RBM33: variants seen among roughly 807,000 people sequenced by gnomAD.
RBM33 encodes RNA-binding protein 33.
In RBM33, 28 loss-of-function variants were observed where a neutral mutation model predicts 132.6. The ratio of observed to expected loss-of-function variants is 0.21; its 90% CI spans 0.16 to 0.29. The LOEUF is 0.29. Ranked by LOEUF, RBM33 falls within the 10% of genes least tolerant of loss-of-function variation. The pLI, the probability that RBM33 is intolerant of heterozygous loss-of-function variation, is 1.00. For synonymous variants in RBM33, 634 were observed against 593.0 expected (o/e 1.07, Z -1.01); for missense variants, 1,291 against 1,518.5 (o/e 0.85, Z 2.49).
chr7:155,673,940 G>GTTTTTTTTTTTTTTTTTTTTTTTT (rs71186053), intron 3 of RBM33, among the ~76,000 whole-genome samples: 12 of 54,188 alleles, frequency 2.2e-4, no homozygotes, highest in Non-Finnish European at 3.9e-4. Flanking sequence ...TTTAGGCTTA[G>GTTTTTTTTTTTTTTTTTTTTTTTT]TTTTTTTTTT....
chr7:155,668,775 A>G (rs946623065), intron 2 of RBM33, among the ~76,000 whole-genome samples: 6 of 152,226 alleles, frequency 3.9e-5, no homozygotes, highest in African/African-American at 1.4e-4. Flanking sequence ...TTTTTGAATC[A>G]TTTTGAAATC....
chr7:155,662,625 G>T lies in RBM33; in HGVS notation c.44-2550G>T, dbSNP rs188804294. 1.4e-3 allele frequency among the ~76,000 whole-genome samples: 218 copies of T among 152,202 alleles called. 4 individuals are homozygous for T. The highest frequency in any genetic ancestry group is 4.1e-3 in the Admixed American group (62 of 15,276). On this transcript the variant is annotated intron_variant, in intron 1 of 17. Transcript: ENST00000401878. Reference sequence around the variant, plus strand: ...AGGAGCTGAGTGCCTGGGAACTGGGGGAAAGCAGCAGCCCCAGGTCTCCTC... The same window carrying T: ...AGGAGCTGAGTGCCTGGGAACTGGGTGAAAGCAGCAGCCCCAGGTCTCCTC...
At chr7:155,709,677 G>C (rs1800221772) in intron 7 of RBM33, among the ~76,000 whole-genome samples, 1 of 152,094 alleles carries the variant, frequency 6.6e-6, no homozygotes, top group South Asian at 2.1e-4. Flanking sequence ...ATTTAACTTG[G>C]GTGTCCCTGT....
chr7:155,660,027 T>C (rs928789809), intron 1 of RBM33, among the ~76,000 whole-genome samples: 1 of 152,214 alleles, frequency 6.6e-6, no homozygotes, highest in Non-Finnish European at 1.5e-5. Flanking sequence ...GTGCCCTCTT[T>C]AATATCCAGT....
intron 14 of RBM33, among the ~76,000 whole-genome samples, chr7:155,756,417 A>G (rs1240248954): frequency 6.6e-6 from 1 of 152,198 alleles, no homozygotes; most frequent in Non-Finnish European, 1.5e-5. Flanking sequence ...CTCAGATGTA[A>G]TCAGTTGAAG....
At chr7:155,668,584 C>T (rs1798862529) in intron 2 of RBM33, among the ~76,000 whole-genome samples, 1 of 152,272 alleles carries the variant, frequency 6.6e-6, no homozygotes, top group South Asian at 2.1e-4. Flanking sequence ...GGTGATACCT[C>T]TGCTTTTCCT....
At position 155,706,985 on chromosome 7, in the gene RBM33, G is replaced by A. The variant is rs1800134787; in HGVS notation, c.865G>A (p.Gly289Arg). 1 of 1,593,470 alleles carries A rather than the reference G, an allele frequency of 6.3e-7. No homozygotes were observed. Among genetic ancestry groups the A allele is most frequent in the African/African-American group, 1.3e-5 (1 of 74,556 alleles). The change falls in exon 7 of 18, where the codon GGG (glycine) becomes AGG (arginine). Residue 289 changes from glycine (G) to arginine (R), a missense_variant. Transcript: ENST00000401878. The part of the protein sequence containing the change: ...RGGPLMCRGV[G>R]DQRRESTERG... ...AGGTCCGCTGATGTGTCGTGGTGTGGGGGACCAGAGGAGAGAGAGCACCGA... is the reference window on the plus strand; with the variant it reads ...AGGTCCGCTGATGTGTCGTGGTGTGAGGGACCAGAGGAGAGAGAGCACCGA...
intron 2 of RBM33, among the ~76,000 whole-genome samples, chr7:155,666,341 T>G (rs900855012): frequency 6.6e-6 from 1 of 152,188 alleles, no homozygotes; most frequent in African/African-American, 2.4e-5. Flanking sequence ...TTTGCCCAAC[T>G]CCAACTTTTT....
At chr7:155,744,383 C>T (rs1482350734) in intron 13 of RBM33, among the ~76,000 whole-genome samples, 1 of 152,134 alleles carries the variant, frequency 6.6e-6, no homozygotes, top group Non-Finnish European at 1.5e-5. Flanking sequence ...TCCTTATATA[C>T]CATTAATATT....
intron 1 of RBM33, among the ~76,000 whole-genome samples, chr7:155,646,128 CTT>C (rs368581080): frequency 5.5e-4 from 83 of 152,224 alleles, no homozygotes; most frequent in African/African-American, 1.8e-3. Context: ...GGTGAACACT[CTT>C]TTCATTAGAA....
intron 5 of RBM33, among the ~76,000 whole-genome samples, chr7:155,700,400 T>G (rs1696894263): frequency 6.6e-6 from 1 of 152,202 alleles, no homozygotes; most frequent in Non-Finnish European, 1.5e-5. Flanking sequence ...AGTGTTAGTT[T>G]AATTAATACA....
chr7:155,707,141 G>T, intron 7 of RBM33, 73 bp downstream of exon 7: 1 of 1,235,934 alleles, frequency 8.1e-7, no homozygotes, highest in Non-Finnish European at 1.2e-6. Context: ...GGGTATCCTA[G>T]TATACATTTC....
chr7:155,740,477 A>G (rs1339701787), intron 12 of RBM33, among the ~76,000 whole-genome samples: 2 of 152,152 alleles, frequency 1.3e-5, no homozygotes, highest in African/African-American at 4.8e-5. Context: ...GCCAGGTGCT[A>G]CTCTAGTCCT....
rs189707692 is a variant in RBM33, at chr7:155,758,959, C to T, written c.2980-4853C>T. ...GCTTCCCAAGCAGGGAGGGGTGCAG[C>T]GGCAGGCCCAGGAAGGCCCACCCGG... On this transcript the variant is annotated intron_variant, in intron 14 of 17. Transcript: ENST00000401878. Among the ~76,000 whole-genome samples the T allele has an allele frequency of 3.5e-4, 53 of 152,292 alleles. No individual in the cohort carries two copies. The East Asian group carries it at 9.7e-3, about 28-fold the overall frequency.
intron 1 of RBM33, among the ~76,000 whole-genome samples, chr7:155,663,205 C>CT (rs1798702531): frequency 2.0e-5 from 2 of 101,724 alleles, no homozygotes; most frequent in Non-Finnish European, 4.9e-5. Flanking sequence ...TCTTTTCTTT[C>CT]TTTCTTTTTT....
intron 9 of RBM33, among the ~76,000 whole-genome samples, chr7:155,721,105 T>C (rs1800610564): frequency 6.6e-6 from 1 of 151,804 alleles, no homozygotes. Flanking sequence ...TCATTGCTCC[T>C]AGGATAGGTA....
At chr7:155,672,720 G>A (rs1798975986) in intron 2 of RBM33, 147 bp from the exon 3 acceptor site, 3 of 533,718 alleles carry the variant, frequency 5.6e-6, no homozygotes, top group Admixed American at 3.6e-5. Flanking sequence ...ACTCCATCCT[G>A]GGCAACACGG....
At chr7:155,718,704 T>C (rs2116991021) in intron 9 of RBM33, among the ~76,000 whole-genome samples, 1 of 152,292 alleles carries the variant, frequency 6.6e-6, no homozygotes, top group Non-Finnish European at 1.5e-5. Flanking sequence ...AATATGAATA[T>C]TGATTTTATT....
intron 16 of RBM33, among the ~76,000 whole-genome samples, chr7:155,770,184 A>G (rs1297416033): frequency 2.0e-5 from 3 of 152,206 alleles, no homozygotes; most frequent in African/African-American, 7.2e-5. Flanking sequence ...GTCCAGGAAG[A>G]CCCAGCATGT....
Sources: gnomAD v4.1 joint callset for allele counts (sites outside exome capture counted in the v4.1 genomes callset) on GRCh38, gnomAD v4.1.1 for gene constraint, MANE v1.5 for transcripts, NCBI Gene and HGNC (gene_info 2026-07-23, HGNC 2026-07-21) for gene names.